PDE4DIP: variants seen among roughly 807,000 people sequenced by gnomAD.
PDE4DIP encodes the protein myomegalin.
In PDE4DIP, 59 loss-of-function variants were observed where a neutral mutation model predicts 221.4. The observed-to-expected ratio is 0.27, with a 90% CI of 0.22 to 0.33. The LOEUF (loss-of-function observed/expected upper bound fraction) is 0.33. Ranked by LOEUF, PDE4DIP falls within the 10% of genes least tolerant of loss-of-function variation. The pLI is 1.00. For synonymous variants in PDE4DIP, 404 were observed against 815.9 expected, an observed-to-expected ratio of 0.50 and a Z score of 8.60; for missense variants, 1,036 against 2,154.2, an observed-to-expected ratio of 0.48 and a Z score of 10.28.
intron 37 of PDE4DIP, chr1:149,021,511 A>G (rs1241723556): frequency 2.4e-5 from 4 of 165,974 alleles, no homozygotes; most frequent in East Asian, 1.7e-4. Context: ...ATTCAGCCCA[A>G]TGCAGCAGGC....
chr1:148,998,497 A>T, intron 23 of PDE4DIP, 122 bp downstream of exon 26: 1 of 577,704 alleles, frequency 1.7e-6, no homozygotes, highest in Non-Finnish European at 3.1e-6. Flanking sequence ...AGTAAGTAAT[A>T]TTGGCTAATG....
chr1:148,844,641 A>G (rs1230993261), intron 1 of PDE4DIP: 4 of 49,232 alleles, frequency 8.1e-5, no homozygotes, highest in Middle Eastern at 7.7e-3. Flanking sequence ...TTCGCCGCCG[A>G]CGCAGAAAGG....
At chr1:148,967,256 A>G (rs2058350587) in intron 12 of PDE4DIP, among the ~76,000 whole-genome samples, 1 of 152,130 alleles carries the variant, frequency 6.6e-6, no homozygotes, top group African/African-American at 2.4e-5. Flanking sequence ...TTGTTCATAC[A>G]TAAGTATACA....
At chr1:148,915,306 C>T (rs1469909545) in intron 1 of PDE4DIP, among the ~76,000 whole-genome samples, 1 of 152,266 alleles carries the variant, frequency 6.6e-6, no homozygotes, top group African/African-American at 2.4e-5. Context: ...CACCACCACA[C>T]CTGGCTAATT....
In PDE4DIP at chr1:148,975,974, A is replaced by G. The variant is rs587596038; in HGVS notation, c.2319+1369A>G. On this transcript the variant is annotated intron_variant, in intron 17 of 43. Transcript: ENST00000369354. ...AAACAGACTCATGTTTTATGACTCA[A>G]TTAGTTTTCAGGATATGAGAATGTG... is the stretch of plus-strand genomic sequence containing the variant. Among the ~76,000 whole-genome samples, 22 of 151,686 alleles carry G rather than the reference A, an allele frequency of 1.5e-4. 1 individual carries two copies. The highest frequency in any genetic ancestry group is 3.3e-4 in the Admixed American group (5 of 15,246).
chr1:148,859,393 G>C (rs1208176396), intron 1 of PDE4DIP, among the ~76,000 whole-genome samples: 1 of 150,428 alleles, frequency 6.6e-6, no homozygotes. Context: ...TGAACAGCTT[G>C]TGAGTAGGTT....
chr1:148,862,332 A>G (rs1553401973), intron 1 of PDE4DIP, among the ~76,000 whole-genome samples: 11,994 of 137,836 alleles, frequency 0.087, 114 homozygotes, highest in Middle Eastern at 0.12. Context: ...AGCACTTGTC[A>G]AGCATGGGCT....
chr1:148,960,077 A>T (rs1284970867), intron 5 of PDE4DIP, among the ~76,000 whole-genome samples: 1 of 152,304 alleles, frequency 6.6e-6, no homozygotes, highest in Non-Finnish European at 1.5e-5. Flanking sequence ...TAAATACTTA[A>T]GCATTATTTC....
chr1:148,978,231 T>A, intron 18 of PDE4DIP, 47 bp from the exon 22 acceptor site: 1 of 1,503,108 alleles, frequency 6.7e-7, no homozygotes, highest in South Asian at 1.2e-5. Context: ...TGCTGAATAA[T>A]CCTTTTATTA....
At chr1:148,974,852 C>G (rs1456672965) in intron 17 of PDE4DIP, among the ~76,000 whole-genome samples, 49 of 67,546 alleles carry the variant, frequency 7.3e-4, no homozygotes, top group Admixed American at 1.5e-3. Flanking sequence ...CCTCTCTCCC[C>G]ATTGCTAACT....
intron 5 of PDE4DIP, among the ~76,000 whole-genome samples, chr1:148,958,906 C>G (rs1253274590): frequency 6.6e-6 from 1 of 151,848 alleles, no homozygotes; most frequent in Non-Finnish European, 1.5e-5. Context: ...CCACAGAGGC[C>G]TTTCTCTTTT....
At chr1:148,981,599 A>G in intron 21 of PDE4DIP, 1 of 586,994 alleles carries the variant, frequency 1.7e-6, no homozygotes, top group Non-Finnish European at 3.0e-6. Flanking sequence ...ACTTTAGCCT[A>G]CATGGATCTC....
intron 4 of PDE4DIP, among the ~76,000 whole-genome samples, chr1:148,934,764 C>T (rs1425623592): frequency 2.0e-5 from 3 of 151,938 alleles, no homozygotes; most frequent in Non-Finnish European, 4.4e-5. Flanking sequence ...CCACCACGCC[C>T]AGCTAATTTT....
At chr1:148,934,911 C>T (rs1392557746) in intron 4 of PDE4DIP, among the ~76,000 whole-genome samples, 2 of 152,044 alleles carry the variant, frequency 1.3e-5, no homozygotes, top group African/African-American at 2.4e-5. Context: ...CCATACCCAG[C>T]CCAATGTTTT....
chr1:148,982,392 T>TAG (rs2061272035), intron 21 of PDE4DIP: 1 of 152,226 alleles, frequency 6.6e-6, no homozygotes. Context: ...TTTCACTATT[T>TAG]AGTATGTATA....
intron 17 of PDE4DIP, among the ~76,000 whole-genome samples, chr1:148,975,707 G>A (rs2060047686): frequency 6.6e-6 from 1 of 151,904 alleles, no homozygotes; most frequent in Admixed American, 6.6e-5. Context: ...AGAAATACTA[G>A]GACCACAGCT....
chr1:149,006,106 C>T (rs1553597623), intron 27 of PDE4DIP, among the ~76,000 whole-genome samples: 3 of 152,056 alleles, frequency 2.0e-5, no homozygotes, highest in African/African-American at 7.2e-5. Flanking sequence ...GCACTCCAGC[C>T]TGGGTGACAG....
rs781923616 is a variant in PDE4DIP at position 148,953,130 on chromosome 1, T to C, written c.637-7524T>C. The C allele has an allele frequency of 3.1e-6, 5 of 1,614,052 alleles. No homozygotes were observed. The East Asian group carries it at 8.9e-5, about 29-fold the overall frequency. On this transcript the variant is annotated intron_variant, in intron 5 of 43. Transcript: ENST00000369354. Reference sequence around the variant, plus strand: ...AAGGCGGGGAATGGGACGGTTGACATGTCCGTCTTACCCGATGCGAGATAC... The same window carrying C: ...AAGGCGGGGAATGGGACGGTTGACACGTCCGTCTTACCCGATGCGAGATAC...
intron 1 of PDE4DIP, among the ~76,000 whole-genome samples, chr1:148,840,207 AATTCAGGT>A (rs1320508084): frequency 9.6e-6 from 1 of 104,376 alleles, no homozygotes; most frequent in African/African-American, 2.9e-5. Flanking sequence ...CCTTATCATC[AATTCAGGT>A]ATTCCCTGAA....
Sources: allele counts gnomAD v4.1 joint callset (sites outside exome capture counted in the v4.1 genomes callset), GRCh38; gene constraint gnomAD v4.1.1; transcripts MANE v1.5; gene names NCBI Gene and HGNC (gene_info 2026-07-23, HGNC 2026-07-21).